Variants in SNX14 observed in about 807,000 individuals in gnomAD.
The protein encoded by SNX14 is sorting nexin-14.
SNX14 carries 93 observed loss-of-function variants against 133.8 expected under a neutral mutation model. That is an observed-to-expected ratio of 0.70 (90% CI 0.59 to 0.83). The LOEUF (loss-of-function observed/expected upper bound fraction) is 0.83. Ranked by LOEUF, SNX14 falls within the 40% of genes least tolerant of loss-of-function variation. The pLI, the probability that SNX14 is intolerant of heterozygous loss-of-function variation, is 0.00. For missense variants in SNX14, 945 were observed against 1,094.9 expected (o/e 0.86, Z 1.93); for synonymous variants, 368 against 365.6 (o/e 1.01, Z -0.07).
intron 21 of SNX14, among the ~76,000 whole-genome samples, chr6:85,523,719 C>T (rs942337569): frequency 1.3e-5 from 2 of 151,940 alleles, no homozygotes; most frequent in African/African-American, 4.8e-5. Context: ...GAGCTGAGAT[C>T]ACGCCACCGC....
intron 14 of SNX14, 25 bp downstream of exon 14, chr6:85,543,157 A>C (rs1220616580): frequency 1.3e-6 from 2 of 1,505,566 alleles, no homozygotes; most frequent in South Asian, 2.7e-5. Flanking sequence ...AAAAATCCTC[A>C]AACAAGGTTA....
chr6:85,586,630 G>C (rs1161252406), intron 1 of SNX14, among the ~76,000 whole-genome samples: 1 of 151,978 alleles, frequency 6.6e-6, no homozygotes, highest in Non-Finnish European at 1.5e-5. Flanking sequence ...ACCCAGGCTG[G>C]AGTGTCGGGG....
chr6:85,588,344 C>T (rs1030513163), intron 1 of SNX14, among the ~76,000 whole-genome samples: 6 of 151,860 alleles, frequency 4.0e-5, no homozygotes, highest in African/African-American at 1.2e-4. Flanking sequence ...GAGGCCGAGG[C>T]AGGCAGATCA....
At chr6:85,534,898 T>G (rs1315876511) in intron 17 of SNX14, among the ~76,000 whole-genome samples, 1 of 150,984 alleles carries the variant, frequency 6.6e-6, no homozygotes, top group Non-Finnish European at 1.5e-5. Context: ...GTGGTAGATA[T>G]GCACGTACGT....
intron 1 of SNX14, among the ~76,000 whole-genome samples, chr6:85,587,927 A>G (rs903047674): frequency 6.6e-6 from 1 of 152,166 alleles, no homozygotes; most frequent in African/African-American, 2.4e-5. Flanking sequence ...CATGAAACAG[A>G]TACATACCTT....
At chr6:85,553,477 C>T (rs781311201) in intron 7 of SNX14, among the ~76,000 whole-genome samples, 4 of 152,018 alleles carry the variant, frequency 2.6e-5, no homozygotes, top group Admixed American at 2.0e-4. Flanking sequence ...TGAAACAATC[C>T]CTTTCAGCCT....
At chr6:85,521,988 T>C (rs779422239) in intron 21 of SNX14, among the ~76,000 whole-genome samples, 2 of 152,240 alleles carry the variant, frequency 1.3e-5, no homozygotes, top group African/African-American at 2.4e-5. Flanking sequence ...GCACTATTTA[T>C]TGAAACAGGT....
intron 6 of SNX14, among the ~76,000 whole-genome samples, chr6:85,558,261 A>G (rs536035512): frequency 1.3e-5 from 2 of 152,352 alleles, no homozygotes; most frequent in East Asian, 3.9e-4. Context: ...ATTAATCTTA[A>G]TATGTATACC....
chr6:85,588,689 C>A (rs1337407303), intron 1 of SNX14, among the ~76,000 whole-genome samples: 1 of 152,202 alleles, frequency 6.6e-6, no homozygotes, highest in Non-Finnish European at 1.5e-5. Flanking sequence ...ACTTTTTACT[C>A]CCCCAAAACT....
chr6:85,542,191 T>A (rs758153522), intron 14 of SNX14, 148 bp from the exon 15 acceptor site: 1 of 526,592 alleles, frequency 1.9e-6, no homozygotes, highest in Non-Finnish European at 3.3e-6. Flanking sequence ...AGGGTAAGGA[T>A]GAAAATATTG....
intron 6 of SNX14, among the ~76,000 whole-genome samples, chr6:85,559,090 T>TC (rs1184687329): frequency 6.6e-6 from 1 of 152,266 alleles, no homozygotes; most frequent in East Asian, 1.9e-4. Context: ...TGTTAATTTT[T>TC]CAATTCTTTT....
chr6:85,557,515 T>C (rs1790152434), intron 7 of SNX14, among the ~76,000 whole-genome samples: 1 of 152,166 alleles, frequency 6.6e-6, no homozygotes, highest in Non-Finnish European at 1.5e-5. Context: ...AAGACAAGAC[T>C]AGATCTAATA....
intron 23 of SNX14, among the ~76,000 whole-genome samples, chr6:85,516,632 CTTTT>C (rs746721196): frequency 0.1 from 13,061 of 125,738 alleles, 561 homozygotes; most frequent in African/African-American, 0.24. Flanking sequence ...CTTCCTTAAT[CTTTT>C]TTTTTTTTTT....
chr6:85,568,730 G>A (rs1375343158), intron 4 of SNX14, among the ~76,000 whole-genome samples: 1 of 152,086 alleles, frequency 6.6e-6, no homozygotes, highest in Non-Finnish European at 1.5e-5. Flanking sequence ...TAAAGTTTGT[G>A]AATTCTCTAG....
intron 1 of SNX14, among the ~76,000 whole-genome samples, chr6:85,585,108 C>G (rs1488992881): frequency 6.6e-6 from 1 of 152,052 alleles, no homozygotes; most frequent in African/African-American, 2.4e-5. Flanking sequence ...AGCTGGAAAC[C>G]ATCATTTTCA....
intron 5 of SNX14, among the ~76,000 whole-genome samples, chr6:85,565,878 C>T (rs1003089475): frequency 2.6e-5 from 4 of 152,146 alleles, no homozygotes; most frequent in African/African-American, 9.7e-5. Context: ...AACTGAAACT[C>T]AGACATTTTG....
intron 23 of SNX14, 121 bp from the exon 24 acceptor site, chr6:85,514,750 A>G (rs1483586743): frequency 1.2e-5 from 11 of 933,704 alleles, no homozygotes; most frequent in Non-Finnish European, 9.4e-6. Context: ...AAAACAGAAT[A>G]TTAGATAGGT....
chr6:85,571,252 C>T (rs1415026744), intron 4 of SNX14, among the ~76,000 whole-genome samples: 1 of 150,198 alleles, frequency 6.7e-6, no homozygotes, highest in East Asian at 2.0e-4. Context: ...CCCAGCTACT[C>T]GGGAGGCTGA....
At chr6:85,579,381 T>C (rs1269461258) in intron 1 of SNX14, among the ~76,000 whole-genome samples, 3 of 152,126 alleles carry the variant, frequency 2.0e-5, no homozygotes, top group Admixed American at 2.0e-4. Context: ...AAGGCTCTCA[T>C]CATCCTCCCC....
Sources: allele counts gnomAD v4.1 joint callset (sites outside exome capture counted in the v4.1 genomes callset), GRCh38; gene constraint gnomAD v4.1.1; transcripts MANE v1.5; gene names NCBI Gene and HGNC (gene_info 2026-07-23, HGNC 2026-07-21).